AUTS2: variants seen among roughly 807,000 people sequenced by gnomAD.
The protein encoded by AUTS2 is activator of transcription and developmental regulator AUTS2.
AUTS2 carries 17 observed loss-of-function variants against 112.4 expected under a neutral mutation model. The observed-to-expected ratio is 0.15, with a 90% CI of 0.10 to 0.23. The LOEUF (loss-of-function observed/expected upper bound fraction) is 0.23. AUTS2 is among the 10% of genes least tolerant of loss of function. AUTS2 has a pLI of 1.00. For synonymous variants in AUTS2, 751 were observed against 702.7 expected (o/e 1.07, Z -1.09); for missense variants, 1,510 against 1,701.6 (o/e 0.89, Z 1.98).
chr7:70,155,016 A>G (rs1376097980), intron 4 of AUTS2, among the ~76,000 whole-genome samples: 1 of 152,144 alleles, frequency 6.6e-6, no homozygotes, highest in Non-Finnish European at 1.5e-5. Flanking sequence ...CAGCAAGCAC[A>G]CTTTCTGCTG....
chr7:69,829,977 G>T (rs781137453), intron 1 of AUTS2, among the ~76,000 whole-genome samples: 1 of 152,076 alleles, frequency 6.6e-6, no homozygotes, highest in Non-Finnish European at 1.5e-5. Context: ...CAAAGACAGG[G>T]AACTAACCCA....
chr7:69,652,094 A>G (rs981208198), intron 1 of AUTS2, among the ~76,000 whole-genome samples: 1 of 152,320 alleles, frequency 6.6e-6, no homozygotes, highest in East Asian at 1.9e-4. Context: ...AATGGCCTTC[A>G]TAGCGTCCTT....
chr7:70,353,540 T>G (rs1258446498), intron 4 of AUTS2, among the ~76,000 whole-genome samples: 1 of 152,156 alleles, frequency 6.6e-6, no homozygotes, highest in East Asian at 1.9e-4. Context: ...ATCCTACATG[T>G]GGACAGTGTC....
chr7:70,711,765 G>C (rs7796173), intron 6 of AUTS2, among the ~76,000 whole-genome samples: 4 of 152,080 alleles, frequency 2.6e-5, no homozygotes, highest in Admixed American at 2.0e-4. Context: ...ATCCTAGAAG[G>C]GGGAGGGCGG....
chr7:69,699,244 T>C lies in AUTS2; in HGVS notation c.309+99282T>C, dbSNP rs149393431. Among the ~76,000 whole-genome samples, 476 of 152,224 alleles carry C rather than the reference T, an allele frequency of 3.1e-3. 3 individuals are homozygous for C. Among genetic ancestry groups the C allele is most frequent in the Middle Eastern group, 0.01 (3 of 294 alleles). ...TATTAATATGATCCCAAAAGCAAAA[T>C]TGTATTAAGAAGTATATAGAGGAAT... is the stretch of plus-strand genomic sequence containing the variant. On this transcript the variant is annotated intron_variant, in intron 1 of 18. Coordinates refer to ENST00000342771, the MANE Select transcript of AUTS2 (RefSeq NM_015570.4).
At chr7:70,006,476 A>C (rs1057123319) in intron 2 of AUTS2, among the ~76,000 whole-genome samples, 1 of 152,164 alleles carries the variant, frequency 6.6e-6, no homozygotes, top group African/African-American at 2.4e-5. Context: ...ACACTGGAAC[A>C]TGGGCTGCAC....
At chr7:69,630,211 C>T (rs2851496) in intron 1 of AUTS2, among the ~76,000 whole-genome samples, 93,522 of 151,946 alleles carry the variant, frequency 0.62, 29,083 homozygotes, top group East Asian at 0.7. Flanking sequence ...GAGCCGAGAT[C>T]GTGCCACTTC....
intron 2 of AUTS2, among the ~76,000 whole-genome samples, chr7:70,059,427 TTGTCAATTA>T (rs1485156592): frequency 3.3e-5 from 5 of 152,228 alleles, no homozygotes; most frequent in Non-Finnish European, 7.3e-5. Flanking sequence ...CTTCCAAGTT[TTGTCAATTA>T]TGGGAAAAAG....
At chr7:70,206,578 T>C (rs1021138607) in intron 4 of AUTS2, among the ~76,000 whole-genome samples, 9 of 152,324 alleles carry the variant, frequency 5.9e-5, no homozygotes, top group African/African-American at 2.2e-4. Flanking sequence ...GTGTCCTTCC[T>C]GCCACCCACC....
At chr7:70,576,192 C>A (rs71549365) in intron 5 of AUTS2, among the ~76,000 whole-genome samples, 31 of 152,158 alleles carry the variant, frequency 2.0e-4, no homozygotes, top group Non-Finnish European at 4.1e-4. Context: ...CTGGGCAGGA[C>A]TGTGAGTGAG....
At chr7:70,293,785 T>G (rs1000162088) in intron 4 of AUTS2, 2 of 152,190 alleles carry the variant, frequency 1.3e-5, no homozygotes, top group Admixed American at 6.5e-5. Context: ...ATTTGGTACA[T>G]TAGTTATTTT....
At chr7:70,078,445 A>T (rs1803141467) in intron 2 of AUTS2, among the ~76,000 whole-genome samples, 1 of 152,140 alleles carries the variant, frequency 6.6e-6, no homozygotes, top group African/African-American at 2.4e-5. Flanking sequence ...GTGGTTGCTC[A>T]TGGGTGACTG....
chr7:69,688,534 G>A (rs753288011), intron 1 of AUTS2, among the ~76,000 whole-genome samples: 1 of 152,060 alleles, frequency 6.6e-6, no homozygotes, highest in South Asian at 2.1e-4. Context: ...TATTTATGGG[G>A]TACATAGTGA....
At chr7:69,729,994 A>ATT (rs10684331) in intron 1 of AUTS2, among the ~76,000 whole-genome samples, 1,876 of 56,652 alleles carry the variant, frequency 0.033, 73 homozygotes, top group African/African-American at 0.047. Context: ...TGTTGTTTTA[A>ATT]TTTTTTTTTT....
At chr7:70,597,662 G>A (rs1333543280) in intron 5 of AUTS2, among the ~76,000 whole-genome samples, 1 of 152,178 alleles carries the variant, frequency 6.6e-6, no homozygotes, top group Admixed American at 6.5e-5. Flanking sequence ...AGTGAAATTG[G>A]AGAGAAATCC....
chr7:70,089,320 T>C (rs745645737), intron 2 of AUTS2, among the ~76,000 whole-genome samples: 30 of 152,302 alleles, frequency 2.0e-4, no homozygotes, highest in Non-Finnish European at 4.0e-4. Flanking sequence ...GAAGCTTTTT[T>C]ATTAGGACAT....
At chr7:70,099,810 T>C (rs928190037) in intron 2 of AUTS2, among the ~76,000 whole-genome samples, 3 of 152,128 alleles carry the variant, frequency 2.0e-5, no homozygotes, top group Admixed American at 6.5e-5. Context: ...GAAAGGTACA[T>C]TTTATTAGTT....
At chr7:69,823,376 C>G (rs1791087000) in intron 1 of AUTS2, among the ~76,000 whole-genome samples, 1 of 152,204 alleles carries the variant, frequency 6.6e-6, no homozygotes, top group Non-Finnish European at 1.5e-5. Context: ...AGCATAGACT[C>G]TTGTAGAAGC....
intron 5 of AUTS2, among the ~76,000 whole-genome samples, chr7:70,482,086 G>C (rs935758371): frequency 3.9e-5 from 6 of 152,160 alleles, no homozygotes; most frequent in African/African-American, 1.2e-4. Flanking sequence ...TTCCATGGGA[G>C]GTGGGGATGG....
Sources: allele counts gnomAD v4.1 joint callset (sites outside exome capture counted in the v4.1 genomes callset), GRCh38; gene constraint gnomAD v4.1.1; transcripts MANE v1.5; gene names NCBI Gene and HGNC (gene_info 2026-07-23, HGNC 2026-07-21).